Variants in CRISPLD2 observed in about 807,000 individuals in gnomAD.
CRISPLD2 encodes the protein cysteine rich secretory protein LCCL domain containing 2.
CRISPLD2 carries 47 observed loss-of-function variants against 71.1 expected under a neutral mutation model. The ratio of observed to expected loss-of-function variants is 0.66; its 90% confidence interval spans 0.52 to 0.84. CRISPLD2 has a LOEUF of 0.84. CRISPLD2 is among the 40% of genes least tolerant of loss of function. The pLI is 0.00. For synonymous variants in CRISPLD2, 317 were observed against 250.1 expected (o/e 1.27, Z -2.52); for missense variants, 830 against 651.1 (o/e 1.27, Z -2.99).
In CRISPLD2 at chr16:84,906,718, C is replaced by A. The variant is rs559737670; in HGVS notation, c.*76C>A. ...TGCTTTTATTTTTATTTTGTCATTG[C>A]GGGGTATATGGAGAGTCAGGAAACT... On this transcript the variant is annotated 3_prime_UTR_variant, in exon 15 of 15. Coordinates refer to ENST00000262424, the MANE Select transcript of CRISPLD2 (RefSeq NM_031476.4). 13 of 1,516,558 alleles carry A rather than the reference C, an allele frequency of 8.6e-6. No homozygotes were observed. The highest frequency in any genetic ancestry group is 2.3e-5 in the East Asian group (1 of 44,336). 93.9% of individuals were successfully genotyped at this position (1,516,558 alleles called of 1,614,324 possible).
intron 2 of CRISPLD2, among the ~76,000 whole-genome samples, chr16:84,841,157 C>G (rs77310668): frequency 6.6e-6 from 1 of 152,082 alleles, no homozygotes; most frequent in African/African-American, 2.4e-5. Context: ...CAAGAAAGAA[C>G]GTTAGGGGTG....
intron 12 of CRISPLD2, among the ~76,000 whole-genome samples, chr16:84,880,093 C>T (rs1302306903): frequency 2.0e-5 from 3 of 152,190 alleles, no homozygotes; most frequent in African/African-American, 7.2e-5. Flanking sequence ...GCCCTCCACC[C>T]TTTCCTCCTC....
intron 6 of CRISPLD2, among the ~76,000 whole-genome samples, chr16:84,866,370 G>A (rs1187452892): frequency 6.6e-6 from 1 of 152,064 alleles, no homozygotes; most frequent in Non-Finnish European, 1.5e-5. Flanking sequence ...CAAGTAGCTG[G>A]GATGACAGGC....
intron 6 of CRISPLD2, among the ~76,000 whole-genome samples, chr16:84,864,506 G>A (rs1406446130): frequency 6.6e-6 from 1 of 152,202 alleles, no homozygotes; most frequent in African/African-American, 2.4e-5. Flanking sequence ...CTCATTGACG[G>A]GAAGAACAGA....
intron 14 of CRISPLD2, among the ~76,000 whole-genome samples, chr16:84,906,101 A>C (rs1416408186): frequency 2.6e-5 from 4 of 152,028 alleles, no homozygotes; most frequent in Non-Finnish European, 1.5e-5. Flanking sequence ...ACCCTGGGTA[A>C]ATCTCTTTAT....
chr16:84,826,720 G>A (rs113063891), intron 1 of CRISPLD2, among the ~76,000 whole-genome samples: 1 of 152,250 alleles, frequency 6.6e-6, no homozygotes, highest in South Asian at 2.1e-4. Flanking sequence ...TCAGACTTGG[G>A]ATGAACTGGG....
intron 10 of CRISPLD2, 80 bp downstream of exon 10, chr16:84,873,202 A>C: frequency 2.6e-6 from 4 of 1,524,622 alleles, no homozygotes; most frequent in Non-Finnish European, 3.6e-6. Context: ...AAAATACCAC[A>C]CAGGCCGGGC....
chr16:84,867,712 G>A (rs1280644834), intron 7 of CRISPLD2, among the ~76,000 whole-genome samples: 3 of 152,150 alleles, frequency 2.0e-5, no homozygotes, highest in Non-Finnish European at 2.9e-5. Context: ...GACTACAGGT[G>A]CCCACCACTA....
chr16:84,899,978 A>G (rs914534437), intron 14 of CRISPLD2, among the ~76,000 whole-genome samples: 1 of 152,162 alleles, frequency 6.6e-6, no homozygotes, highest in African/African-American at 2.4e-5. Flanking sequence ...TCACTTGGAC[A>G]GAGAATTCAG....
At chr16:84,835,133 C>T (rs928470438) in intron 1 of CRISPLD2, among the ~76,000 whole-genome samples, 6 of 152,076 alleles carry the variant, frequency 3.9e-5, no homozygotes, top group East Asian at 3.9e-4. Flanking sequence ...TCTTGTCTCC[C>T]AGGCTAGAGT....
At chr16:84,832,215 G>T (rs1916505822) in intron 1 of CRISPLD2, among the ~76,000 whole-genome samples, 1 of 152,204 alleles carries the variant, frequency 6.6e-6, no homozygotes, top group African/African-American at 2.4e-5. Context: ...CACTGACTGG[G>T]GACTGAAGTT....
intron 6 of CRISPLD2, among the ~76,000 whole-genome samples, chr16:84,861,570 T>C (rs114167945): frequency 0.029 from 4,423 of 152,276 alleles, 194 homozygotes; most frequent in African/African-American, 0.1. Context: ...CTATGGCAGC[T>C]GATTAGATGG....
At chr16:84,839,260 A>T (rs16974702) in intron 2 of CRISPLD2, 4,718 of 298,638 alleles carry the variant, frequency 0.016, 218 homozygotes, top group African/African-American at 0.097. Flanking sequence ...CGTTGCCTTC[A>T]TGTCACTCTT....
At chr16:84,832,463 C>G (rs1478923531) in intron 1 of CRISPLD2, among the ~76,000 whole-genome samples, 5 of 152,270 alleles carry the variant, frequency 3.3e-5, no homozygotes, top group African/African-American at 1.2e-4. Context: ...TCTGATCTAG[C>G]TGGGAGCAGG....
chr16:84,853,024 A>C (rs991748497), intron 5 of CRISPLD2, among the ~76,000 whole-genome samples: 1 of 152,122 alleles, frequency 6.6e-6, no homozygotes, highest in Non-Finnish European at 1.5e-5. Flanking sequence ...CTGTGGTCAC[A>C]CCACTGCACT....
chr16:84,907,081 G>A lies in CRISPLD2; in HGVS notation c.*439G>A. 5.0e-6 allele frequency: 1 copy of A among 198,284 alleles called. No homozygotes were observed. Among genetic ancestry groups the A allele is most frequent in the Non-Finnish European group, 1.0e-5 (1 of 96,224 alleles). 12.3% of individuals were successfully genotyped at this position (198,284 alleles called of 1,614,324 possible). ...AGAGGCCTTTTGAGCAAGCGCCAAT[G>A]AGTTTCAGGAATGAAGTAGAAGGTA... is the stretch of plus-strand genomic sequence containing the variant. On this transcript the variant is annotated 3_prime_UTR_variant, in exon 15 of 15. Coordinates refer to ENST00000262424, the MANE Select transcript of CRISPLD2 (RefSeq NM_031476.4).
chr16:84,826,165 G>A (rs1297350471), intron 1 of CRISPLD2, among the ~76,000 whole-genome samples: 2 of 152,194 alleles, frequency 1.3e-5, no homozygotes, highest in Non-Finnish European at 1.5e-5. Context: ...GGCTACTGGG[G>A]TCAGCGTGGA....
intron 1 of CRISPLD2, among the ~76,000 whole-genome samples, chr16:84,826,936 T>C (rs950243616): frequency 2.0e-5 from 3 of 152,210 alleles, no homozygotes; most frequent in Admixed American, 1.3e-4. Flanking sequence ...ACTCCTGCCC[T>C]CTTAATCCAG....
intron 10 of CRISPLD2, 133 bp from the exon 11 acceptor site, chr16:84,873,787 G>A (rs2071495212): frequency 1.2e-6 from 1 of 835,478 alleles, no homozygotes; most frequent in African/African-American, 1.7e-5. Context: ...CTCTCAGGCT[G>A]ATAGGAAACA....
Sources: allele counts gnomAD v4.1 joint callset (sites outside exome capture counted in the v4.1 genomes callset), GRCh38; gene constraint gnomAD v4.1.1; transcripts MANE v1.5; gene names NCBI Gene and HGNC (gene_info 2026-07-23, HGNC 2026-07-21).